Variants in SPATS2L observed in about 807,000 individuals in gnomAD.
The protein encoded by SPATS2L is spermatogenesis associated serine rich 2 like, also known as SPATS2-like protein.
Under a neutral mutation model 59.6 loss-of-function variants are expected in SPATS2L, and 30 were observed. That is an observed-to-expected ratio of 0.50 (90% CI 0.38 to 0.68). SPATS2L has a LOEUF of 0.68. Ranked by LOEUF, SPATS2L falls within the 30% of genes least tolerant of loss-of-function variation. The probability of loss-of-function intolerance (pLI) is 0.00; values close to 1 mark genes in which losing one functional copy is unlikely to be tolerated. For synonymous variants in SPATS2L, 252 were observed against 263.5 expected, an observed-to-expected ratio of 0.96 and a Z score of 0.42; for missense variants, 615 against 700.0, an observed-to-expected ratio of 0.88 and a Z score of 1.37.
intron 4 of SPATS2L, among the ~76,000 whole-genome samples, chr2:200,415,958 A>C (rs2083040872): frequency 6.6e-6 from 1 of 152,150 alleles, no homozygotes; most frequent in South Asian, 2.1e-4. Context: ...GAATGGCCAA[A>C]CAGAAAGCTG....
intron 1 of SPATS2L, among the ~76,000 whole-genome samples, chr2:200,324,643 G>C (rs2079675121): frequency 6.6e-6 from 1 of 152,184 alleles, no homozygotes; most frequent in Non-Finnish European, 1.5e-5. Context: ...TGTGTCTCCA[G>C]AGTTGAGAGA....
At chr2:200,409,841 A>C (rs558111716) in intron 3 of SPATS2L, among the ~76,000 whole-genome samples, 77 of 152,334 alleles carry the variant, frequency 5.1e-4, no homozygotes, top group African/African-American at 1.8e-3. Context: ...TTTTCTGTGC[A>C]CATCTTACCA....
chr2:200,396,587 G>A (rs1291204276), intron 3 of SPATS2L, among the ~76,000 whole-genome samples: 2 of 152,160 alleles, frequency 1.3e-5, no homozygotes, highest in South Asian at 2.1e-4. Context: ...TATGTGGGGT[G>A]GAGTATGGTC....
intron 3 of SPATS2L, among the ~76,000 whole-genome samples, chr2:200,391,380 T>C (rs371882248): frequency 6.6e-6 from 1 of 152,228 alleles, no homozygotes; most frequent in Non-Finnish European, 1.5e-5. Context: ...AGCATGTTTG[T>C]TTTTTATTAA....
chr2:200,437,033 G>A (rs2084347513), intron 6 of SPATS2L, among the ~76,000 whole-genome samples: 1 of 152,056 alleles, frequency 6.6e-6, no homozygotes, highest in Admixed American at 6.6e-5. Context: ...GTGGTATGCT[G>A]GCTCCCAGTC....
chr2:200,413,167 C>A (rs2082942913), intron 4 of SPATS2L, among the ~76,000 whole-genome samples: 1 of 152,158 alleles, frequency 6.6e-6, no homozygotes, highest in Admixed American at 6.5e-5. Flanking sequence ...CCAGCATAAT[C>A]CTACTTGGCT....
intron 8 of SPATS2L, among the ~76,000 whole-genome samples, chr2:200,443,699 A>T (rs535965556): frequency 6.6e-6 from 1 of 152,352 alleles, no homozygotes; most frequent in African/African-American, 2.4e-5. Context: ...GCTACCAAAA[A>T]GTGCCAGCAT....
At chr2:200,429,578 G>C (rs543486844) in intron 6 of SPATS2L, among the ~76,000 whole-genome samples, 1 of 152,164 alleles carries the variant, frequency 6.6e-6, no homozygotes, top group African/African-American at 2.4e-5. Flanking sequence ...TGACAGTGGC[G>C]GGAGGTGGGG....
chr2:200,311,863 C>T (rs2079202801), intron 1 of SPATS2L, among the ~76,000 whole-genome samples: 1 of 152,016 alleles, frequency 6.6e-6, no homozygotes, highest in South Asian at 2.1e-4. Flanking sequence ...CTTAGAATGA[C>T]AGTTGTTTGA....
chr2:200,435,376 G>A (rs1217836826), intron 6 of SPATS2L, among the ~76,000 whole-genome samples: 2 of 152,150 alleles, frequency 1.3e-5, no homozygotes, highest in Admixed American at 6.5e-5. Flanking sequence ...AAATTAAAAT[G>A]TATACAATTT....
intron 2 of SPATS2L, among the ~76,000 whole-genome samples, chr2:200,342,781 AC>A (rs2080376205): frequency 6.6e-6 from 1 of 152,242 alleles, no homozygotes; most frequent in African/African-American, 2.4e-5. Flanking sequence ...CTGGATAAGA[AC>A]AATATCCTTG....
At position 200,477,649 on chromosome 2, in the gene SPATS2L, A is replaced by T. The variant is rs1028944746; in HGVS notation, c.1295A>T (p.Asn432Ile). ...MPANKQNGSS[N>I]QRRRFNPQYH... is the part of the protein sequence containing the mutation. The stretch of plus-strand genomic sequence containing the variant: ...CTTTTTTGGTAGAATGGATCTTCTA[A>T]CCAAAGACGGAGATTTAATCCACAG... The change falls in exon 13 of 13, where the codon AAC becomes ATC. Residue 432 changes from asparagine (N) to isoleucine (I), a missense_variant. By Grantham distance (149) the Asn-to-Ile change is moderately radical. Coordinates refer to ENST00000409140, the MANE Select transcript of SPATS2L (RefSeq NM_001100423.2). 6.5e-7 allele frequency: 1 copy of T among 1,548,916 alleles called. No individual in the cohort carries two copies. Among genetic ancestry groups the T allele is most frequent in the Non-Finnish European group, 8.7e-7 (1 of 1,146,476 alleles).
intron 1 of SPATS2L, among the ~76,000 whole-genome samples, chr2:200,326,696 A>G (rs762563119): frequency 2.6e-4 from 39 of 152,118 alleles, no homozygotes; most frequent in Non-Finnish European, 5.3e-4. Context: ...CTGCTACCTG[A>G]AAACCTATCA....
rs1172617863 is a variant in SPATS2L at position 200,388,147 on chromosome 2, CATG to C, written c.-22-1073_-22-1071del. ...ATATGTATCAATCTGGAATGTTGCT[CATG>C]ATATGTTGGTAAGTGAAAAAACAAA... is the stretch of plus-strand genomic sequence containing the variant. On this transcript the variant is annotated intron_variant, in intron 2 of 12. Transcript: ENST00000409140. Among the ~76,000 whole-genome samples, 13 of 152,204 alleles carry C rather than the reference CATG, an allele frequency of 8.5e-5. No individual in the cohort carries two copies. In the South Asian group the frequency reaches 2.5e-3, roughly 29 times the overall value.
chr2:200,402,628 C>G (rs929158698), intron 3 of SPATS2L, among the ~76,000 whole-genome samples: 5 of 152,222 alleles, frequency 3.3e-5, no homozygotes, highest in Admixed American at 3.3e-4. Flanking sequence ...ACTGCTTCTT[C>G]TATAACATTC....
In SPATS2L at chr2:200,420,232, A is replaced by G. The variant is rs549789337; in HGVS notation, c.445+736A>G. Among the ~76,000 whole-genome samples the G allele has an allele frequency of 2.6e-3, 400 of 152,330 alleles. 2 individuals are homozygous for G. Among genetic ancestry groups the G allele is most frequent in the African/African-American group, 9.1e-3 (379 of 41,578 alleles). Reference sequence around the variant, plus strand: ...AAATAAGGAAACTGCATTGGAATCTACTAGATCAGTGCTTCTCAATACTAT... The same window carrying G: ...AAATAAGGAAACTGCATTGGAATCTGCTAGATCAGTGCTTCTCAATACTAT... On this transcript the variant is annotated intron_variant, in intron 6 of 12. Transcript: ENST00000409140.
At chr2:200,426,984 G>T (rs1219598135) in intron 6 of SPATS2L, among the ~76,000 whole-genome samples, 1 of 151,906 alleles carries the variant, frequency 6.6e-6, no homozygotes, top group African/African-American at 2.4e-5. Flanking sequence ...AACCCCTCAG[G>T]TATTTTTCGG....
At chr2:200,355,004 G>C (rs901333765) in intron 2 of SPATS2L, among the ~76,000 whole-genome samples, 3 of 151,994 alleles carry the variant, frequency 2.0e-5, no homozygotes, top group Non-Finnish European at 4.4e-5. Flanking sequence ...TTGTAGTAAA[G>C]TATGGTTGGA....
chr2:200,471,904 CAAAG>C (rs2087073230), intron 11 of SPATS2L, among the ~76,000 whole-genome samples: 1 of 152,186 alleles, frequency 6.6e-6, no homozygotes, highest in Non-Finnish European at 1.5e-5. Context: ...TTTTAAGCCT[CAAAG>C]AAAGGTCTAG....
Sources: gnomAD v4.1 joint callset for allele counts (sites outside exome capture counted in the v4.1 genomes callset) on GRCh38, gnomAD v4.1.1 for gene constraint, MANE v1.5 for transcripts, NCBI Gene and HGNC (gene_info 2026-07-23, HGNC 2026-07-21) for gene names.